NBEA: variants seen among roughly 807,000 people sequenced by gnomAD.
NBEA encodes lysosomal-trafficking regulator 2.
A neutral mutation model predicts 343.4 loss-of-function variants in NBEA; 44 were observed. The observed-to-expected ratio is 0.13, with a 90% CI of 0.10 to 0.16. The LOEUF is 0.16. NBEA is among the 10% of genes least tolerant of loss of function. The pLI, the probability that NBEA is intolerant of heterozygous loss-of-function variation, is 1.00. For synonymous variants in NBEA, 1,175 were observed against 1,238.7 expected, an observed-to-expected ratio of 0.95 and a Z score of 1.08; for missense variants, 2,555 against 3,631.3, an observed-to-expected ratio of 0.70 and a Z score of 7.62.
intron 38 of NBEA, among the ~76,000 whole-genome samples, chr13:35,357,301 G>GTTTTTTT (rs770565194): frequency 6.8e-6 from 1 of 146,510 alleles, no homozygotes; most frequent in African/African-American, 2.5e-5. Context: ...CTTTTTTGTT[G>GTTTTTTT]TTTTTTTTTT....
intron 41 of NBEA, among the ~76,000 whole-genome samples, chr13:35,491,237 T>C (rs1021831435): frequency 6.6e-6 from 1 of 151,898 alleles, no homozygotes; most frequent in Non-Finnish European, 1.5e-5. Context: ...TTTTGCTGGT[T>C]ATTTTGATAG....
At chr13:35,065,829 A>G (rs1413855926) in intron 8 of NBEA, among the ~76,000 whole-genome samples, 1 of 152,126 alleles carries the variant, frequency 6.6e-6, no homozygotes, top group East Asian at 1.9e-4. Context: ...GAATTCATCA[A>G]ATTCCTTTAT....
chr13:35,319,214 C>T (rs768612604), intron 36 of NBEA, among the ~76,000 whole-genome samples: 4 of 152,020 alleles, frequency 2.6e-5, no homozygotes, highest in Non-Finnish European at 4.4e-5. Context: ...AGATCTTTCC[C>T]GCTTTCCATT....
At chr13:35,649,604 CTA>C (rs1448084335) in intron 51 of NBEA, 49 bp from the exon 52 acceptor site, 2 of 1,465,266 alleles carry the variant, frequency 1.4e-6, no homozygotes, top group African/African-American at 1.4e-5. Context: ...CTTTCACTAA[CTA>C]TGTTATTCCT....
chr13:35,301,187 T>C (rs2152826279), intron 35 of NBEA, among the ~76,000 whole-genome samples: 1 of 152,178 alleles, frequency 6.6e-6, no homozygotes, highest in South Asian at 2.1e-4. Flanking sequence ...TTTTTTTAAT[T>C]TTACTTTAAG....
intron 55 of NBEA, among the ~76,000 whole-genome samples, chr13:35,658,913 A>G (rs886379059): frequency 3.3e-5 from 5 of 152,164 alleles, no homozygotes; most frequent in African/African-American, 1.2e-4. Flanking sequence ...CACAGCACAC[A>G]CTGAATTGAC....
chr13:35,509,398 C>T (rs1763836084), intron 41 of NBEA, among the ~76,000 whole-genome samples: 2 of 151,796 alleles, frequency 1.3e-5, no homozygotes, highest in South Asian at 2.1e-4. Flanking sequence ...AGAGAGTGAG[C>T]GAGTGAGTGC....
chr13:35,235,202 T>C (rs2075167791), intron 34 of NBEA, among the ~76,000 whole-genome samples: 1 of 152,192 alleles, frequency 6.6e-6, no homozygotes, highest in Non-Finnish European at 1.5e-5. Flanking sequence ...TTAATTCTTT[T>C]GATTTCCTGT....
At chr13:35,017,891 G>C (rs566748124) in intron 1 of NBEA, among the ~76,000 whole-genome samples, 1 of 152,196 alleles carries the variant, frequency 6.6e-6, no homozygotes, top group African/African-American at 2.4e-5. Flanking sequence ...AGGTTTTGCA[G>C]ATTTAACCCT....
chr13:35,429,667 G>T (rs908358193), intron 38 of NBEA, among the ~76,000 whole-genome samples: 1 of 152,054 alleles, frequency 6.6e-6, no homozygotes, highest in Admixed American at 6.6e-5. Context: ...GCAGTATTTG[G>T]TTATGTGAAT....
At chr13:35,002,204 A>G (rs2061164529) in intron 1 of NBEA, among the ~76,000 whole-genome samples, 1 of 152,160 alleles carries the variant, frequency 6.6e-6, no homozygotes, top group Non-Finnish European at 1.5e-5. Flanking sequence ...CAGGTTACAT[A>G]CAGTTTGTGG....
At chr13:35,059,920 A>G (rs770629355) in intron 8 of NBEA, among the ~76,000 whole-genome samples, 4 of 151,638 alleles carry the variant, frequency 2.6e-5, no homozygotes, top group Non-Finnish European at 5.9e-5. Context: ...TTTCCATATC[A>G]TTTTTGGTTT....
At chr13:35,111,913 CTTTTTT>C (rs773135374) in intron 13 of NBEA, among the ~76,000 whole-genome samples, 3 of 122,752 alleles carry the variant, frequency 2.4e-5, no homozygotes, top group Admixed American at 8.3e-5. Flanking sequence ...TAACACTTTC[CTTTTTT>C]TTTTTTTTTT....
At chr13:35,288,730 C>A (rs913264599) in intron 34 of NBEA, among the ~76,000 whole-genome samples, 53 of 152,040 alleles carry the variant, frequency 3.5e-4, no homozygotes, top group African/African-American at 1.2e-3. Context: ...AACTCATACA[C>A]AAAATGTATG....
At chr13:35,265,067 T>A (rs1442615516) in intron 34 of NBEA, among the ~76,000 whole-genome samples, 1 of 151,808 alleles carries the variant, frequency 6.6e-6, no homozygotes, top group Non-Finnish European at 1.5e-5. Flanking sequence ...ATACAAAAAA[T>A]CAATAGTGTT....
chr13:35,318,383 G>C (rs1664448991), intron 36 of NBEA, among the ~76,000 whole-genome samples: 1 of 152,148 alleles, frequency 6.6e-6, no homozygotes, highest in Non-Finnish European at 1.5e-5. Context: ...CATTGTTTCT[G>C]TTTATGTAAT....
At chr13:35,288,097 T>C (rs1004893864) in intron 34 of NBEA, among the ~76,000 whole-genome samples, 1 of 152,060 alleles carries the variant, frequency 6.6e-6, no homozygotes, top group Non-Finnish European at 1.5e-5. Flanking sequence ...AATTTGATTA[T>C]GAATTTTTTG....
chr13:35,652,599 C>G (rs2084590613), intron 53 of NBEA, among the ~76,000 whole-genome samples: 2 of 146,576 alleles, frequency 1.4e-5, no homozygotes, highest in Non-Finnish European at 3.0e-5. Flanking sequence ...CAAGATGGCA[C>G]CACTGCACTC....
intron 10 of NBEA, among the ~76,000 whole-genome samples, chr13:35,078,847 C>T (rs1189708337): frequency 2.6e-5 from 4 of 152,022 alleles, no homozygotes; most frequent in Non-Finnish European, 5.9e-5. Flanking sequence ...CATGGTGAAA[C>T]CCTGTCTCTA....
Sources: allele counts gnomAD v4.1 joint callset (sites outside exome capture counted in the v4.1 genomes callset), GRCh38; gene constraint gnomAD v4.1.1; transcripts MANE v1.5; gene names NCBI Gene and HGNC (gene_info 2026-07-23, HGNC 2026-07-21).